Variants in KMT5B observed in about 807,000 individuals in gnomAD.
The protein encoded by KMT5B is lysine methyltransferase 5B, also known as histone-lysine N-methyltransferase KMT5B.
A neutral mutation model predicts 83.2 loss-of-function variants in KMT5B; 10 were observed. The observed-to-expected ratio is 0.12, with a 90% CI of 0.07 to 0.20. The LOEUF (loss-of-function observed/expected upper bound fraction) is 0.20, where lower values mean the gene tolerates loss of function less well. Among genes scored for constraint, KMT5B ranks in the 10% least tolerant of loss-of-function variants. The pLI, the probability that KMT5B is intolerant of heterozygous loss-of-function variation, is 1.00. For synonymous variants in KMT5B, 349 were observed against 388.8 expected (o/e 0.90, Z 1.20); for missense variants, 753 against 1,067.2 (o/e 0.71, Z 4.10).
In KMT5B at chr11:68,157,962, A is replaced by T; in HGVS notation, c.2384T>A (p.Leu795His). The T allele has an allele frequency of 1.9e-6, 3 of 1,614,114 alleles. No individual in the cohort carries two copies. The highest frequency in any genetic ancestry group is 2.5e-6 in the Non-Finnish European group (3 of 1,180,024). Residue 795 changes from leucine to histidine, a missense_variant, in exon 11 of 11, where the codon CTT becomes CAT. Coordinates refer to ENST00000304363, the MANE Select transcript of KMT5B (RefSeq NM_017635.5). ...EENRGSYTEG[L>H]HENGVCCSDP... ...ACTGCAGCACACCCCATTTTCATGA[A>T]GCCCCTCTGTATAAGACCCCCTATT...
intron 1 of KMT5B, among the ~76,000 whole-genome samples, chr11:68,191,169 A>C (rs1205738967): frequency 2.8e-5 from 2 of 71,532 alleles, no homozygotes; most frequent in Non-Finnish European, 5.5e-5. Context: ...TTAATTTTAA[A>C]ACTTTGTGTG....
At chr11:68,161,720 C>T (rs1220518160) in intron 10 of KMT5B, among the ~76,000 whole-genome samples, 1 of 152,170 alleles carries the variant, frequency 6.6e-6, no homozygotes, top group Non-Finnish European at 1.5e-5. Flanking sequence ...AGAGAGCGCA[C>T]TCTCCTGGTT....
In KMT5B at chr11:68,197,400, G is replaced by A. The variant is rs1016303632; in HGVS notation, c.-76-7248C>T. On this transcript the variant is annotated intron_variant, in intron 1 of 10. Coordinates refer to ENST00000304363, the MANE Select transcript of KMT5B (RefSeq NM_017635.5). Reference sequence around the variant, plus strand: ...TGCAAGCTCCAGTGTAAGAGCAATCGCTCTAATTTACTTATTCATTTTATC... The same window carrying A: ...TGCAAGCTCCAGTGTAAGAGCAATCACTCTAATTTACTTATTCATTTTATC... Among the ~76,000 whole-genome samples, 13 of 152,144 alleles carry A rather than the reference G, an allele frequency of 8.5e-5. No individual in the cohort carries two copies. The South Asian group carries it at 1.0e-3, about 12-fold the overall frequency.
chr11:68,159,456 G>T (rs1854666649), intron 10 of KMT5B, among the ~76,000 whole-genome samples: 1 of 152,192 alleles, frequency 6.6e-6, no homozygotes, highest in Non-Finnish European at 1.5e-5. Flanking sequence ...TTCTTAATCT[G>T]TCGTGACACT....
intron 10 of KMT5B, among the ~76,000 whole-genome samples, chr11:68,162,466 T>A (rs1854952141): frequency 6.6e-6 from 1 of 152,204 alleles, no homozygotes. Context: ...AAGACTCAGC[T>A]TAGGCAACAC....
chr11:68,208,137 CCAAA>C (rs1565266625), intron 1 of KMT5B, among the ~76,000 whole-genome samples: 2 of 150,906 alleles, frequency 1.3e-5, no homozygotes, highest in African/African-American at 4.9e-5. Flanking sequence ...ACGCCTGGCC[CCAAA>C]CAAATTTTTA....
chr11:68,194,621 C>T (rs540582417), intron 1 of KMT5B, among the ~76,000 whole-genome samples: 1 of 152,308 alleles, frequency 6.6e-6, no homozygotes, highest in African/African-American at 2.4e-5. Context: ...ATTGAGCCAT[C>T]TCACAAAAGT....
chr11:68,169,404 T>C (rs553412678), intron 9 of KMT5B, among the ~76,000 whole-genome samples: 1 of 152,318 alleles, frequency 6.6e-6, no homozygotes, highest in East Asian at 1.9e-4. Flanking sequence ...GGACTTACTA[T>C]GCACCAGGGT....
At chr11:68,161,009 A>C (rs1239013220) in intron 10 of KMT5B, among the ~76,000 whole-genome samples, 2 of 152,204 alleles carry the variant, frequency 1.3e-5, no homozygotes, top group Non-Finnish European at 2.9e-5. Flanking sequence ...GCTTCAGGGT[A>C]CATAAACCAG....
intron 3 of KMT5B, 24 bp downstream of exon 3, chr11:68,185,757 T>C (rs765953602): frequency 1.9e-6 from 3 of 1,603,704 alleles, no homozygotes; most frequent in Middle Eastern, 1.7e-4. Flanking sequence ...ATCTGTTCCA[T>C]TCAGGATAAA....
chr11:68,202,644 G>A (rs1375904274), intron 1 of KMT5B, among the ~76,000 whole-genome samples: 1 of 151,318 alleles, frequency 6.6e-6, no homozygotes, highest in African/African-American at 2.4e-5. Flanking sequence ...TGCCTCCCGG[G>A]TTCAAGCGAT....
At chr11:68,192,114 A>G (rs1343012890) in intron 1 of KMT5B, among the ~76,000 whole-genome samples, 1 of 152,184 alleles carries the variant, frequency 6.6e-6, no homozygotes, top group Non-Finnish European at 1.5e-5. Context: ...AGGTTTGTGT[A>G]AGTACACTCT....
intron 1 of KMT5B, among the ~76,000 whole-genome samples, chr11:68,197,913 G>A (rs1244333088): frequency 6.6e-6 from 1 of 151,982 alleles, no homozygotes; most frequent in Non-Finnish European, 1.5e-5. Flanking sequence ...AATAATTTGG[G>A]GGCTATTTAA....
intron 10 of KMT5B, chr11:68,165,754 C>T: frequency 6.8e-7 from 1 of 1,466,980 alleles, no homozygotes. Context: ...AATCAACAGT[C>T]AACAGTTAAT....
chr11:68,202,172 A>G (rs1018466720), intron 1 of KMT5B, among the ~76,000 whole-genome samples: 25 of 152,250 alleles, frequency 1.6e-4, no homozygotes, highest in Admixed American at 9.8e-4. Context: ...ATAATTTGGT[A>G]AGAAAACAAT....
chr11:68,192,590 G>A (rs371404536), intron 1 of KMT5B, among the ~76,000 whole-genome samples: 1 of 152,178 alleles, frequency 6.6e-6, no homozygotes, highest in African/African-American at 2.4e-5. Flanking sequence ...TGAACTGGGT[G>A]AGTAAACTAC....
chr11:68,164,240 T>TC lies in KMT5B; in HGVS notation c.1174+2741dup, dbSNP rs766350408. ...AAAGCACCTGTATGGAAATTTTTCT[T>TC]CCAACTACTCAGAACATTTTTTTAT... On this transcript the variant is annotated intron_variant, in intron 10 of 10. Coordinates refer to ENST00000304363, the MANE Select transcript of KMT5B (RefSeq NM_017635.5). Among the ~76,000 whole-genome samples, 5 of 152,362 alleles carry TC rather than the reference T, an allele frequency of 3.3e-5. No homozygotes were observed. The East Asian group carries it at 7.7e-4, about 23-fold the overall frequency.
chr11:68,204,260 C>T (rs796404685), intron 1 of KMT5B, among the ~76,000 whole-genome samples: 14 of 152,298 alleles, frequency 9.2e-5, no homozygotes, highest in African/African-American at 2.6e-4. Context: ...CCAAAGACAT[C>T]GGCTCCTAAT....
chr11:68,170,706 C>T (rs1855760663), intron 9 of KMT5B, among the ~76,000 whole-genome samples: 1 of 152,180 alleles, frequency 6.6e-6, no homozygotes, highest in Non-Finnish European at 1.5e-5. Flanking sequence ...CCCATTCTGG[C>T]ATTGCGTGTG....
Sources: gnomAD v4.1 joint callset for allele counts (sites outside exome capture counted in the v4.1 genomes callset) on GRCh38, gnomAD v4.1.1 for gene constraint, MANE v1.5 for transcripts, NCBI Gene and HGNC (gene_info 2026-07-23, HGNC 2026-07-21) for gene names.